PDE11A: variants seen among roughly 807,000 people sequenced by gnomAD.
The protein encoded by PDE11A is phosphodiesterase 11A, also known as dual 3',5'-cyclic-AMP and -GMP phosphodiesterase 11A.
A neutral mutation model predicts 100.5 loss-of-function variants in PDE11A; 100 were observed. The ratio of observed to expected loss-of-function variants is 1.00; its 90% CI spans 0.85 to 1.18. PDE11A has a LOEUF of 1.18. Ranked by LOEUF, PDE11A falls within the 50% of genes most tolerant of loss-of-function variation. The pLI, the probability that PDE11A is intolerant of heterozygous loss-of-function variation, is 0.00. For synonymous variants in PDE11A, 381 were observed against 420.8 expected, an observed-to-expected ratio of 0.91 and a Z score of 1.16; for missense variants, 1,141 against 1,152.6, an observed-to-expected ratio of 0.99 and a Z score of 0.15.
At chr2:177,943,871 G>C (rs565603370) in intron 2 of PDE11A, among the ~76,000 whole-genome samples, 25 of 152,210 alleles carry the variant, frequency 1.6e-4, no homozygotes, top group African/African-American at 6.0e-4. Context: ...TTACACTTAG[G>C]TCTTTAATCC....
intron 3 of PDE11A, among the ~76,000 whole-genome samples, chr2:177,900,191 C>T (rs1478551703): frequency 6.6e-6 from 1 of 152,166 alleles, no homozygotes; most frequent in African/African-American, 2.4e-5. Flanking sequence ...AGGTGGTAGA[C>T]ATTATGCTTC....
intron 1 of PDE11A, chr2:178,018,154 C>A: frequency 3.4e-6 from 1 of 293,066 alleles, no homozygotes; most frequent in Non-Finnish European, 6.8e-6. Context: ...GCCACCCAGC[C>A]GCCATTCTGT....
chr2:177,691,993 A>G (rs537523206), intron 15 of PDE11A, among the ~76,000 whole-genome samples: 2 of 152,286 alleles, frequency 1.3e-5, no homozygotes, highest in Admixed American at 1.3e-4. Context: ...ATTGGACTGT[A>G]TATTTAAGGC....
At chr2:177,912,355 A>T (rs1466375823) in intron 2 of PDE11A, among the ~76,000 whole-genome samples, 2 of 152,140 alleles carry the variant, frequency 1.3e-5, no homozygotes, top group African/African-American at 2.4e-5. Context: ...AGTGTTGGCT[A>T]AAATATCCCC....
intron 4 of PDE11A, among the ~76,000 whole-genome samples, chr2:177,888,043 C>A (rs771086920): frequency 6.6e-6 from 1 of 152,192 alleles, no homozygotes; most frequent in Non-Finnish European, 1.5e-5. Flanking sequence ...GTGAAAGCCA[C>A]TTGCCCTTGA....
chr2:177,979,611 CTT>C (rs57168619), intron 2 of PDE11A, among the ~76,000 whole-genome samples: 14 of 106,834 alleles, frequency 1.3e-4, no homozygotes, highest in Admixed American at 2.9e-4. Context: ...CTCAGATGAT[CTT>C]TTTTTTTTTT....
chr2:178,033,279 C>T (rs2086571383), intron 1 of PDE11A, among the ~76,000 whole-genome samples: 1 of 151,998 alleles, frequency 6.6e-6, no homozygotes. Flanking sequence ...CCAAATTTAT[C>T]AAGTGGGAGA....
chr2:178,091,885 G>A (rs996414283), intron 2 of PDE11A, among the ~76,000 whole-genome samples: 6 of 152,012 alleles, frequency 3.9e-5, no homozygotes, highest in African/African-American at 7.3e-5. Context: ...ATATTACTCA[G>A]GATTAGCAGA....
At chr2:178,038,497 T>C (rs951890391) in intron 1 of PDE11A, among the ~76,000 whole-genome samples, 1 of 151,174 alleles carries the variant, frequency 6.6e-6, no homozygotes, top group South Asian at 2.1e-4. Context: ...AGGAAGGTGG[T>C]GTTCAGAATA....
At position 177,728,127 on chromosome 2, in the gene PDE11A, G is replaced by C. The variant is rs894764619; in HGVS notation, c.1834C>G (p.His612Asp). The C allele has an allele frequency of 5.6e-6, 9 of 1,612,566 alleles. No homozygotes were observed. Among genetic ancestry groups the C allele is most frequent in the African/African-American group, 5.3e-5 (4 of 74,838 alleles). ...ACGTCGAGAGAAAAGTCATCAAAAT[G>C]AATGTCATCGATGGCAAGTTCTGAC... ...LVSELAIDDIHFDDFSLDVDA... is the reference protein window; with the variant it reads ...LVSELAIDDIDFDDFSLDVDA... The change falls in exon 11 of 20, where the codon CAT (histidine) becomes GAT (aspartate). Residue 612 changes from histidine (H) to aspartate (D), a missense_variant. Physicochemically the swap from His to Asp is moderately conservative, Grantham distance 81. Transcript: ENST00000286063.
intron 5 of PDE11A, among the ~76,000 whole-genome samples, chr2:177,842,212 G>C (rs1168327170): frequency 6.6e-6 from 1 of 152,172 alleles, no homozygotes; most frequent in Non-Finnish European, 1.5e-5. Context: ...GTGGAGTGTG[G>C]GAAGCAGCGC....
intron 5 of PDE11A, among the ~76,000 whole-genome samples, chr2:177,845,986 G>C (rs1460682990): frequency 6.6e-6 from 1 of 151,690 alleles, no homozygotes; most frequent in Non-Finnish European, 1.5e-5. Flanking sequence ...TCCAGCTTCG[G>C]CTCGGCATGA....
intron 9 of PDE11A, among the ~76,000 whole-genome samples, chr2:177,794,543 G>A (rs185241577): frequency 2.6e-5 from 4 of 152,144 alleles, no homozygotes; most frequent in Admixed American, 1.3e-4. Flanking sequence ...CTAAATTAAG[G>A]AGCCATTTTC....
intron 2 of PDE11A, among the ~76,000 whole-genome samples, chr2:178,091,065 TTTTTA>T (rs1038799842): frequency 1.3e-5 from 2 of 152,192 alleles, no homozygotes; most frequent in South Asian, 2.1e-4. Flanking sequence ...GCTAATATCT[TTTTTA>T]TTTTATTTTA....
intron 10 of PDE11A, among the ~76,000 whole-genome samples, chr2:177,737,953 A>G (rs946837839): frequency 3.9e-5 from 6 of 152,196 alleles, no homozygotes; most frequent in African/African-American, 9.6e-5. Flanking sequence ...ATCCTGCTGG[A>G]AGTCATCTTA....
At chr2:178,104,081 T>G (rs962526734) in intron 2 of PDE11A, among the ~76,000 whole-genome samples, 2 of 152,208 alleles carry the variant, frequency 1.3e-5, no homozygotes, top group African/African-American at 2.4e-5. Flanking sequence ...ATACCCTGTA[T>G]AGGCAAAAAC....
intron 1 of PDE11A, among the ~76,000 whole-genome samples, chr2:178,050,875 G>A (rs13394477): frequency 0.29 from 44,011 of 151,856 alleles, 6,477 homozygotes; most frequent in Non-Finnish European, 0.31. Flanking sequence ...CCAAATCTAC[G>A]TCTGATTGGT....
At chr2:177,782,035 T>A (rs2082462006) in intron 9 of PDE11A, among the ~76,000 whole-genome samples, 1 of 152,212 alleles carries the variant, frequency 6.6e-6, no homozygotes, top group African/African-American at 2.4e-5. Context: ...ATCTAATTTT[T>A]AAATGCAAGC....
intron 2 of PDE11A, among the ~76,000 whole-genome samples, chr2:177,987,935 C>T (rs12469439): frequency 0.32 from 48,730 of 152,042 alleles, 9,800 homozygotes; most frequent in East Asian, 0.53. Context: ...AAAAGCTGAC[C>T]AGCTATGTAA....
Sources: gnomAD v4.1 joint callset for allele counts (sites outside exome capture counted in the v4.1 genomes callset) on GRCh38, gnomAD v4.1.1 for gene constraint, MANE v1.5 for transcripts, NCBI Gene and HGNC (gene_info 2026-07-23, HGNC 2026-07-21) for gene names.